Variants in SPAG16 observed in about 807,000 individuals in gnomAD.
SPAG16 encodes sperm-associated antigen 16 protein.
In SPAG16, 86 loss-of-function variants were observed where a neutral mutation model predicts 80.4. That is an observed-to-expected ratio of 1.07 (90% CI 0.90 to 1.28). The LOEUF is 1.28. SPAG16 is among the 50% of genes most tolerant of loss of function. The probability of loss-of-function intolerance (pLI) is 0.00; values close to 1 mark genes in which losing one functional copy is unlikely to be tolerated. For synonymous variants in SPAG16, 294 were observed against 265.9 expected (o/e 1.11, Z -1.03); for missense variants, 870 against 765.3 (o/e 1.14, Z -1.61).
intron 12 of SPAG16, among the ~76,000 whole-genome samples, chr2:213,941,413 AT>A (rs1559612511): frequency 6.6e-6 from 1 of 151,916 alleles, no homozygotes; most frequent in Non-Finnish European, 1.5e-5. Context: ...TTATTTTAGA[AT>A]TTTGCATACA....
chr2:213,656,886 A>T (rs2063241859), intron 10 of SPAG16, among the ~76,000 whole-genome samples: 1 of 152,222 alleles, frequency 6.6e-6, no homozygotes, highest in Non-Finnish European at 1.5e-5. Context: ...TCTCAGAAAG[A>T]ATCTGTTCCA....
rs189397418 is a variant in SPAG16 at position 214,240,147 on chromosome 2, T to C, written c.1720+90881T>C. 3.3e-5 allele frequency: 5 copies of C among 152,232 alleles called. No homozygotes were observed. In the East Asian group the frequency reaches 9.7e-4, roughly 29 times the overall value. The allele number at this position is 152,232 out of a possible 1,614,324, so 9.4% of individuals were successfully genotyped here. A position where few individuals can be genotyped will look rare whatever the true frequency, so the allele number is the denominator to read the frequency against. ...ATGGGTCTCATAATGTCCATGTCCT[T>C]CCCTTATACCTCAATGCTCTTTCCA... On this transcript the variant is annotated intron_variant, in intron 15 of 15. Coordinates refer to ENST00000331683, the MANE Select transcript of SPAG16 (RefSeq NM_024532.5).
intron 1 of SPAG16, among the ~76,000 whole-genome samples, chr2:213,289,639 T>C (rs1047887703): frequency 9.2e-5 from 14 of 152,326 alleles, no homozygotes; most frequent in African/African-American, 3.4e-4. Context: ...GACTATGATA[T>C]TTGCTATTTA....
intron 13 of SPAG16, among the ~76,000 whole-genome samples, chr2:214,062,834 T>C (rs958527666): frequency 6.6e-6 from 1 of 152,196 alleles, no homozygotes; most frequent in Non-Finnish European, 1.5e-5. Flanking sequence ...TCCAGTGACC[T>C]ACATGATCTG....
intron 10 of SPAG16, among the ~76,000 whole-genome samples, chr2:213,774,039 T>C (rs970353363): frequency 6.6e-6 from 1 of 152,220 alleles, no homozygotes; most frequent in African/African-American, 2.4e-5. Context: ...CTATTTTCTA[T>C]TCCTATTTTT....
intron 10 of SPAG16, among the ~76,000 whole-genome samples, chr2:213,761,274 G>T (rs920251557): frequency 6.6e-6 from 1 of 152,166 alleles, no homozygotes; most frequent in Non-Finnish European, 1.5e-5. Context: ...TGAGGAAACA[G>T]TGCTAAGGGG....
chr2:214,388,454 A>C (rs928839967), intron 15 of SPAG16, among the ~76,000 whole-genome samples: 12 of 152,206 alleles, frequency 7.9e-5, no homozygotes, highest in Admixed American at 2.6e-4. Flanking sequence ...TGATCTTTAC[A>C]TCCTCCTGAA....
intron 9 of SPAG16, among the ~76,000 whole-genome samples, chr2:213,393,797 C>T (rs2067895878): frequency 6.6e-6 from 1 of 151,978 alleles, no homozygotes; most frequent in African/African-American, 2.4e-5. Context: ...TTTTCCCAAG[C>T]AAATGAAATA....
intron 15 of SPAG16, among the ~76,000 whole-genome samples, chr2:214,353,099 T>C (rs1428499411): frequency 6.6e-6 from 1 of 152,094 alleles, no homozygotes; most frequent in Non-Finnish European, 1.5e-5. Context: ...TATCACCCTG[T>C]TACAAATGGG....
chr2:213,690,756 G>A lies in SPAG16; in HGVS notation c.1071-171729G>A, dbSNP rs149067788. Among the ~76,000 whole-genome samples, 236 of 152,114 alleles carry A rather than the reference G, an allele frequency of 1.6e-3. 1 individual carries two copies. The highest frequency in any genetic ancestry group is 5.2e-3 in the African/African-American group (215 of 41,492). On this transcript the variant is annotated intron_variant, in intron 10 of 15. Transcript: ENST00000331683. The stretch of plus-strand genomic sequence containing the variant: ...GCTGGATGCTTGGCTTCCTCTCCTC[G>A]TGCCCTTGGATATTAACTCCAGGTT...
chr2:213,460,204 G>C (rs148412454), intron 9 of SPAG16, among the ~76,000 whole-genome samples: 1 of 152,152 alleles, frequency 6.6e-6, no homozygotes, highest in African/African-American at 2.4e-5. Flanking sequence ...TGTCTGTAAA[G>C]ATACCTGCAG....
chr2:214,044,597 C>G (rs1559729074), intron 13 of SPAG16, among the ~76,000 whole-genome samples: 1 of 152,184 alleles, frequency 6.6e-6, no homozygotes, highest in Non-Finnish European at 1.5e-5. Flanking sequence ...TTCAGAGTAC[C>G]TGCTTTTAAC....
chr2:213,909,486 G>C (rs913798487), intron 11 of SPAG16, among the ~76,000 whole-genome samples: 4 of 152,042 alleles, frequency 2.6e-5, no homozygotes, highest in Non-Finnish European at 5.9e-5. Context: ...ATACTACAAG[G>C]CTACAGTAAC....
At chr2:213,728,764 C>G (rs1236872016) in intron 10 of SPAG16, among the ~76,000 whole-genome samples, 1 of 151,598 alleles carries the variant, frequency 6.6e-6, no homozygotes, top group Non-Finnish European at 1.5e-5. Flanking sequence ...GTAGTCCCAG[C>G]TGCTCGGCAG....
chr2:214,011,634 T>A (rs1358949286), intron 12 of SPAG16, among the ~76,000 whole-genome samples: 1 of 152,218 alleles, frequency 6.6e-6, no homozygotes. Context: ...CGTGGTTTGT[T>A]GACCCCTGGT....
At chr2:214,100,357 T>G (rs1428296806) in intron 13 of SPAG16, among the ~76,000 whole-genome samples, 1 of 152,152 alleles carries the variant, frequency 6.6e-6, no homozygotes, top group Non-Finnish European at 1.5e-5. Flanking sequence ...GCATTTTTTT[T>G]GTTTTCTCTG....
chr2:213,743,800 T>C (rs1014890762), intron 10 of SPAG16, among the ~76,000 whole-genome samples: 3 of 152,230 alleles, frequency 2.0e-5, no homozygotes, highest in Non-Finnish European at 4.4e-5. Flanking sequence ...TAGAAAATTC[T>C]CAGCCATAGC....
At chr2:213,820,756 T>G (rs1279023784) in intron 10 of SPAG16, among the ~76,000 whole-genome samples, 3 of 152,102 alleles carry the variant, frequency 2.0e-5, no homozygotes, top group Non-Finnish European at 2.9e-5. Context: ...GTATCTTTCA[T>G]TAATAGTAAA....
At chr2:214,285,227 G>A (rs1034794865) in intron 15 of SPAG16, among the ~76,000 whole-genome samples, 1 of 152,106 alleles carries the variant, frequency 6.6e-6, no homozygotes, top group East Asian at 1.9e-4. Flanking sequence ...GATTAGTGAT[G>A]ACAGCACCTT....
Sources: allele counts gnomAD v4.1 joint callset (sites outside exome capture counted in the v4.1 genomes callset), GRCh38; gene constraint gnomAD v4.1.1; transcripts MANE v1.5; gene names NCBI Gene and HGNC (gene_info 2026-07-23, HGNC 2026-07-21).